The following TAF5L variants were observed in gnomAD, a reference collection of about 807,000 sequenced individuals.
The protein encoded by TAF5L is TATA-box binding protein associated factor 5 like.
A neutral mutation model predicts 51.3 loss-of-function variants in TAF5L; 7 were observed. The observed-to-expected ratio is 0.14, with a 90% CI of 0.08 to 0.26. The LOEUF (loss-of-function observed/expected upper bound fraction) is 0.26, where lower values mean the gene tolerates loss of function less well. Among genes scored for constraint, TAF5L ranks in the 10% least tolerant of loss-of-function variants. The probability of loss-of-function intolerance (pLI) is 1.00; values close to 1 mark genes in which losing one functional copy is unlikely to be tolerated. For synonymous variants in TAF5L, 291 were observed against 308.1 expected, an observed-to-expected ratio of 0.94 and a Z score of 0.58; for missense variants, 575 against 758.9, an observed-to-expected ratio of 0.76 and a Z score of 2.85.
chr1:229,620,034 CAAAA>C (rs1558155124), intron 1 of TAF5L, among the ~76,000 whole-genome samples: 1 of 151,804 alleles, frequency 6.6e-6, no homozygotes, highest in African/African-American at 2.4e-5. Flanking sequence ...AAAAACAAAA[CAAAA>C]GAAAACAAAA....
chr1:229,621,997 G>T (rs534985204), intron 1 of TAF5L, among the ~76,000 whole-genome samples: 14 of 151,928 alleles, frequency 9.2e-5, no homozygotes, highest in Admixed American at 5.2e-4. Flanking sequence ...CGGGTGAGCA[G>T]AACTTCTTTT....
chr1:229,605,171 T>C (rs1476273983), intron 3 of TAF5L, among the ~76,000 whole-genome samples: 1 of 151,812 alleles, frequency 6.6e-6, no homozygotes, highest in Non-Finnish European at 1.5e-5. Flanking sequence ...GGTGGCCAGG[T>C]TGGTCTTGAG....
rs1422302617 is a variant in TAF5L at position 229,602,081 on chromosome 1, A to G, written c.972+114T>C. 2.6e-6 allele frequency: 4 copies of G among 1,514,988 alleles called. No homozygotes were observed. Among genetic ancestry groups the G allele is most frequent in the Non-Finnish European group, 3.5e-6 (4 of 1,133,262 alleles). 93.8% of individuals were successfully genotyped at this position (1,514,988 alleles called of 1,614,324 possible). A position where few individuals can be genotyped will look rare whatever the true frequency, so the allele number is the denominator to read the frequency against. The stretch of plus-strand genomic sequence containing the variant: ...GGTAACATGTCATTAGTCTGGCTTT[A>G]GCTATATGATGAGGGAAACTAGGAA... On this transcript the variant is annotated intron_variant, in intron 4 of 4. Coordinates refer to ENST00000258281, the Ensembl canonical transcript of TAF5L. The surrounding 1 kb of genome is among the most constrained non-coding windows in gnomAD (Gnocchi z 4.6).
intron 4 of TAF5L, chr1:229,601,621 C>A: frequency 1.0e-6 from 1 of 986,072 alleles, no homozygotes; most frequent in Non-Finnish European, 1.2e-6. Context: ...TGTTACTTCT[C>A]CAAGTGGGGT....
chr1:229,601,256 C>A, intron 4 of TAF5L: 1 of 985,262 alleles, frequency 1.0e-6, no homozygotes, highest in Non-Finnish European at 1.2e-6. Flanking sequence ...TTCTTGACAT[C>A]CTTATCATTA....
chr1:229,602,390 G>T lies in TAF5L; in HGVS notation c.777C>A (p.Ile259=). ...CTGTGTTATAGAAGGCATAGAAGCA[G>T]ATGGTAGTGAGGGAGGGAGGCCCAT... Residue 259 remains isoleucine, a synonymous_variant, in exon 4 of 5, where the codon ATC becomes ATA. Coordinates refer to ENST00000258281, the Ensembl canonical transcript of TAF5L. This position sits in a 1 kb window ranked among gnomAD's most constrained non-coding sequence, Gnocchi z 4.6. 3.1e-6 allele frequency: 5 copies of T among 1,614,190 alleles called. No homozygotes were observed. Among genetic ancestry groups the T allele is most frequent in the Non-Finnish European group, 4.2e-6 (5 of 1,180,024 alleles).
At position 229,598,957 on chromosome 1, in the gene TAF5L, A is replaced by G. The variant is rs1383307196; in HGVS notation, c.972+3238T>C. On this transcript the variant is annotated intron_variant, in intron 4 of 4. Coordinates refer to ENST00000258281, the Ensembl canonical transcript of TAF5L. ...TGTGATCCACCTGCCTCGGCCTCCC[A>G]AAGTGCTGAGATTACAGGCGTGAGC... Among the ~76,000 whole-genome samples the G allele has an allele frequency of 2.6e-5, 4 of 152,260 alleles. No individual in the cohort carries two copies. The East Asian group carries it at 7.7e-4, about 29-fold the overall frequency.
At chr1:229,610,194 A>G (rs528295536) in exon 3 of TAF5L, 2 of 1,614,174 alleles carry the variant, frequency 1.2e-6, no homozygotes, top group African/African-American at 2.7e-5. Context: ...TGTTGGCACA[A>G]CCAGATTCTG....
In TAF5L at chr1:229,602,287, G is replaced by A; in HGVS notation, c.880C>T (p.Leu294Phe). 1 of 1,614,168 alleles carries A rather than the reference G, an allele frequency of 6.2e-7. No homozygotes were observed. The highest frequency in any genetic ancestry group is 2.2e-5 in the East Asian group (1 of 44,892). ...AACTTCTTGGATCGTAAACTCCAAA[G>A]TTTTATACAGGAGTTGTCAAACCCA... Residue 294 changes from leucine (L) to phenylalanine (F), a missense_variant, in exon 4 of 5, where the codon CTT (leucine) becomes TTT (phenylalanine). This residue lies in a region of TAF5L where 380 missense variants were observed against 443.7 expected (regional missense o/e 0.86). Coordinates refer to ENST00000258281, the Ensembl canonical transcript of TAF5L. The surrounding 1 kb of genome is among the most constrained non-coding windows in gnomAD (Gnocchi z 4.6).
chr1:229,605,241 G>A (rs1453800319), intron 3 of TAF5L, among the ~76,000 whole-genome samples: 1 of 152,056 alleles, frequency 6.6e-6, no homozygotes, highest in Non-Finnish European at 1.5e-5. Context: ...TTAAGGGTGT[G>A]AGCCACTGTG....
chr1:229,621,557 T>C (rs1353797729), intron 1 of TAF5L, among the ~76,000 whole-genome samples: 1 of 152,204 alleles, frequency 6.6e-6, no homozygotes, highest in Non-Finnish European at 1.5e-5. Context: ...AAAAGACAAT[T>C]TGCTTCAGTG....
At chr1:229,606,417 C>G (rs140382694) in intron 3 of TAF5L, 1 of 984,976 alleles carries the variant, frequency 1.0e-6, no homozygotes, top group Admixed American at 6.2e-5. Context: ...TGAATGCCTA[C>G]CTGGTGCCCA....
Position 229,625,301 on chromosome 1 carries a change from C to T in TAF5L, c.-4+584G>A, listed in dbSNP as rs1665402834. ...CCATGGGCGCACCAACCTTACCTTG[C>T]TGTCATGAGGCAACGAGCCCCGAGA... is the stretch of plus-strand genomic sequence containing the variant. On this transcript the variant is annotated intron_variant, in intron 1 of 4. Transcript: ENST00000258281. This position sits in a 1 kb window ranked among gnomAD's most constrained non-coding sequence, Gnocchi z 4.0. Among the ~76,000 whole-genome samples, 1 of 152,194 alleles carries T rather than the reference C, an allele frequency of 6.6e-6. No homozygotes were observed. The highest frequency in any genetic ancestry group is 6.5e-5 in the Admixed American group (1 of 15,286).
intron 4 of TAF5L, chr1:229,599,877 C>G: frequency 1.0e-6 from 1 of 985,428 alleles, no homozygotes. Flanking sequence ...ATAGTTATTG[C>G]TTCAAAAAGA....
chr1:229,604,666 C>A (rs1571838598), intron 3 of TAF5L, among the ~76,000 whole-genome samples: 1 of 152,100 alleles, frequency 6.6e-6, no homozygotes, highest in Non-Finnish European at 1.5e-5. Context: ...ATGGCCCACA[C>A]CCCTGAAGAA....
chr1:229,594,174 G>A lies in TAF5L; in HGVS notation c.*123C>T, dbSNP rs572301021. 8.6e-7 allele frequency: 1 copy of A among 1,167,978 alleles called. No individual in the cohort carries two copies. Among genetic ancestry groups the A allele is most frequent in the African/African-American group, 1.6e-5 (1 of 64,298 alleles). The allele number at this position is 1,167,978 out of a possible 1,614,324, so 72.4% of individuals were successfully genotyped here. On this transcript the variant is annotated 3_prime_UTR_variant, in exon 5 of 5. Transcript: ENST00000258281. This position sits in a 1 kb window ranked among gnomAD's most constrained non-coding sequence, Gnocchi z 7.9. ...GTGAAGGGGGACCTGCCCGGAATGA[G>A]GGCCCAGGAGAGAGGGGAGGAGGGG...
intron 3 of TAF5L, chr1:229,607,053 T>C: frequency 1.0e-6 from 1 of 985,432 alleles, no homozygotes; most frequent in Non-Finnish European, 1.2e-6. Flanking sequence ...TAGCCTCAAA[T>C]TTCCCACTGC....
In TAF5L at chr1:229,625,226, T is replaced by G. The variant is rs1665396362; in HGVS notation, c.-4+659A>C. On this transcript the variant is annotated intron_variant, in intron 1 of 4. Coordinates refer to ENST00000258281, the Ensembl canonical transcript of TAF5L. The surrounding 1 kb of genome is among the most constrained non-coding windows in gnomAD (Gnocchi z 4.0). ...GGACCAACGCCTTATCGAATACATTTTCAAAAGCCTGGCAGCTTCGCGAGC... is the reference window on the plus strand; with the variant it reads ...GGACCAACGCCTTATCGAATACATTGTCAAAAGCCTGGCAGCTTCGCGAGC... 6.6e-6 allele frequency among the ~76,000 whole-genome samples: 1 copy of G among 152,162 alleles called. No homozygotes were observed. Among genetic ancestry groups the G allele is most frequent in the African/African-American group, 2.4e-5 (1 of 41,436 alleles).
intron 4 of TAF5L, chr1:229,601,323 G>T (rs2102743016): frequency 1.0e-6 from 1 of 985,316 alleles, no homozygotes; most frequent in Non-Finnish European, 1.2e-6. Flanking sequence ...ATTGTGTAAA[G>T]AATTTTCCAT....
Sources: allele counts gnomAD v4.1 joint callset (sites outside exome capture counted in the v4.1 genomes callset), GRCh38; gene constraint gnomAD v4.1.1; regional missense constraint gnomAD v4.1.1; non-coding constraint Gnocchi (gnomAD v3.1); transcripts MANE v1.5; gene names NCBI Gene and HGNC (gene_info 2026-07-23, HGNC 2026-07-21).